The following PCDHGA2 variants were observed in gnomAD, a reference collection of about 807,000 sequenced individuals.
PCDHGA2 encodes protocadherin gamma subfamily A, 2.
PCDHGA2 carries 40 observed loss-of-function variants against 59.2 expected under a neutral mutation model. The observed-to-expected ratio is 0.68, with a 90% CI of 0.52 to 0.88. The LOEUF (loss-of-function observed/expected upper bound fraction) is 0.88. PCDHGA2 is among the 40% of genes least tolerant of loss of function. The probability of loss-of-function intolerance (pLI) is 0.00; values close to 1 mark genes in which losing one functional copy is unlikely to be tolerated. For synonymous variants in PCDHGA2, 560 were observed against 526.0 expected, an observed-to-expected ratio of 1.06 and a Z score of -0.89; for missense variants, 1,226 against 1,204.0, an observed-to-expected ratio of 1.02 and a Z score of -0.27.
rs747584731 is a variant in PCDHGA2, at chr5:141,344,291, C to A, written c.2424+2896C>A. The A allele has an allele frequency of 6.8e-6, 11 of 1,613,940 alleles. No homozygotes were observed. The East Asian group carries it at 2.5e-4, about 36-fold the overall frequency. On this transcript the variant is annotated intron_variant, in intron 1 of 3. Transcript: ENST00000394576. ...ATCCGCAAAGCGGCAGCTTGGTCAC[C>A]GCGGAGAGGATAGACCGGGAGGAGC... is the stretch of plus-strand genomic sequence containing the variant.
Position 141,432,599 on chromosome 5 carries a change from C to T in PCDHGA2, c.2425-62208C>T. 2.5e-6 allele frequency: 4 copies of T among 1,613,908 alleles called. No individual in the cohort carries two copies. The highest frequency in any genetic ancestry group is 2.7e-5 in the African/African-American group (2 of 75,052). On this transcript the variant is annotated intron_variant, in intron 1 of 3. Coordinates refer to ENST00000394576, the MANE Select transcript of PCDHGA2 (RefSeq NM_018915.4). The surrounding 1 kb of genome is among the most constrained non-coding windows in gnomAD (Gnocchi z 6.0). Reference sequence around the variant, plus strand: ...CTACCGTCTGCTCAAGGCCAGCGAGCCGGGACTCTTCTCGGTGGGTCTGCA... The same window carrying T: ...CTACCGTCTGCTCAAGGCCAGCGAGTCGGGACTCTTCTCGGTGGGTCTGCA...
At chr5:141,399,798 G>A in intron 1 of PCDHGA2, 1 of 1,613,236 alleles carries the variant, frequency 6.2e-7, no homozygotes. Context: ...ACGCACCGCG[G>A]GTGCTGTACC....
At position 141,476,242 on chromosome 5, in the gene PCDHGA2, G is replaced by A. The variant is rs369923405; in HGVS notation, c.2425-18565G>A. The A allele has an allele frequency of 6.2e-6, 10 of 1,614,100 alleles. No individual in the cohort carries two copies. The highest frequency in any genetic ancestry group is 8.5e-6 in the Non-Finnish European group (10 of 1,180,026). The stretch of plus-strand genomic sequence containing the variant: ...ACTATGAGATCCCGGAGGAAAGAGA[G>A]AAGGGTTTCGCTGTGGGCAACGTGG... On this transcript the variant is annotated intron_variant, in intron 1 of 3. Transcript: ENST00000394576. This position sits in a 1 kb window ranked among gnomAD's most constrained non-coding sequence, Gnocchi z 7.6.
intron 1 of PCDHGA2, chr5:141,428,149 G>A (rs1048150182): frequency 8.8e-6 from 14 of 1,586,676 alleles, no homozygotes; most frequent in African/African-American, 1.3e-5. Flanking sequence ...CTGCACACGG[G>A]AACCTGCTGG....
At chr5:141,384,265 T>G in intron 1 of PCDHGA2, 1 of 1,613,814 alleles carries the variant, frequency 6.2e-7, no homozygotes, top group Non-Finnish European at 8.5e-7. Context: ...CCCCCACTCA[T>G]CCTACTCAGT....
chr5:141,434,449 G>C (rs1392115883), intron 1 of PCDHGA2, among the ~76,000 whole-genome samples: 1 of 152,232 alleles, frequency 6.6e-6, no homozygotes, highest in Non-Finnish European at 1.5e-5. Context: ...ATGCTGGAAG[G>C]TAGTGGGTTT....
chr5:141,365,878 T>C (rs745332841), intron 1 of PCDHGA2: 4 of 1,614,104 alleles, frequency 2.5e-6, no homozygotes. Context: ...TCCTGTATGC[T>C]CTGAGATCCT....
intron 1 of PCDHGA2, chr5:141,375,707 C>T (rs1483627086): frequency 1.1e-5 from 17 of 1,614,146 alleles, no homozygotes; most frequent in Non-Finnish European, 1.3e-5. Context: ...GGACCCGCCT[C>T]TTAGCAGCAA....
chr5:141,428,238 G>A lies in PCDHGA2; in HGVS notation c.2425-66569G>A, dbSNP rs775703660. On this transcript the variant is annotated intron_variant, in intron 1 of 3. Transcript: ENST00000394576. ...TAGTCTTCGCAGACAGCCTGCAGGA[G>A]GCACTGCCAGACTTCAGTGACAGTC... 1.0e-5 allele frequency: 10 copies of A among 998,180 alleles called. No individual in the cohort carries two copies. The South Asian group carries it at 1.3e-4, about 13-fold the overall frequency. The allele number at this position is 998,180 out of a possible 1,614,324, so 61.8% of individuals were successfully genotyped here. A position where few individuals can be genotyped will look rare whatever the true frequency, so the allele number is the denominator to read the frequency against.
At chr5:141,502,140 G>A (rs534984161) in intron 2 of PCDHGA2, among the ~76,000 whole-genome samples, 1 of 152,268 alleles carries the variant, frequency 6.6e-6, no homozygotes, top group South Asian at 2.1e-4. Context: ...CAGTCGGGCC[G>A]GAAGTAAGGA....
chr5:141,404,004 C>T (rs1219625288), intron 1 of PCDHGA2: 3 of 1,613,842 alleles, frequency 1.9e-6, no homozygotes, highest in Non-Finnish European at 2.5e-6. Flanking sequence ...ACCATTACAT[C>T]TCTGTTTAGC....
At chr5:141,434,080 A>G (rs775751994) in intron 1 of PCDHGA2, among the ~76,000 whole-genome samples, 2 of 152,042 alleles carry the variant, frequency 1.3e-5, no homozygotes, top group Non-Finnish European at 2.9e-5. Flanking sequence ...TCAATTATTT[A>G]TTTTGATGCT....
Position 141,491,900 on chromosome 5 carries a change from G to A in PCDHGA2, c.2425-2907G>A, listed in dbSNP as rs1268804496. 7.0e-7 allele frequency: 1 copy of A among 1,429,818 alleles called. No individual in the cohort carries two copies. Among genetic ancestry groups the A allele is most frequent in the East Asian group, 2.5e-5 (1 of 39,444 alleles). The allele number at this position is 1,429,818 out of a possible 1,614,324, so 88.6% of individuals were successfully genotyped here. A position where few individuals can be genotyped will look rare whatever the true frequency, so the allele number is the denominator to read the frequency against. ...TAAGGGATGGGGCTCCGAGCACCGGGGGTGGTGGCGACTGTGGGCGAGGGG... is the reference window on the plus strand; with the variant it reads ...TAAGGGATGGGGCTCCGAGCACCGGAGGTGGTGGCGACTGTGGGCGAGGGG... On this transcript the variant is annotated intron_variant, in intron 1 of 3. Coordinates refer to ENST00000394576, the MANE Select transcript of PCDHGA2 (RefSeq NM_018915.4). This position sits in a 1 kb window ranked among gnomAD's most constrained non-coding sequence, Gnocchi z 6.9.
rs147764693 is a variant in PCDHGA2 at position 141,340,750 on chromosome 5, G to T, written c.1779G>T (p.Ala593=). The T allele has an allele frequency of 2.5e-4, 397 of 1,614,012 alleles. No individual in the cohort carries two copies. Among genetic ancestry groups the T allele is most frequent in the Middle Eastern group, 1.7e-4 (1 of 6,016 alleles). ...GCTACCTGGTGACCAAGGTGGTGGC[G>T]GTGGACAGAGACTCGGGCCAGAACG... The part of the protein sequence containing the change: ...EPGYLVTKVV[A]VDRDSGQNAW... Residue 593 remains alanine, a synonymous_variant, in exon 1 of 4, where the codon GCG becomes GCT. Coordinates refer to ENST00000394576, the MANE Select transcript of PCDHGA2 (RefSeq NM_018915.4).
chr5:141,344,904 A>AT, intron 1 of PCDHGA2: 1 of 1,613,906 alleles, frequency 6.2e-7, no homozygotes, highest in Non-Finnish European at 8.5e-7. Flanking sequence ...AATCGCTGAG[A>AT]TTTTCCATCT....
At chr5:141,380,168 G>T (rs1204513654) in intron 1 of PCDHGA2, among the ~76,000 whole-genome samples, 1 of 152,074 alleles carries the variant, frequency 6.6e-6, no homozygotes, top group Non-Finnish European at 1.5e-5. Flanking sequence ...TCAAAGGGCT[G>T]GGATTACAGG....
In PCDHGA2 at chr5:141,485,792, G is replaced by A. The variant is rs114766079; in HGVS notation, c.2425-9015G>A. The A allele has an allele frequency of 6.2e-7, 1 of 1,614,236 alleles. No homozygotes were observed. Among genetic ancestry groups the A allele is most frequent in the East Asian group, 2.2e-5 (1 of 44,880 alleles). ...GCCTTTGGATCGAGAGAAGCAATCG[G>A]ACTACCGCCTGGTGCTGACTGCTGT... On this transcript the variant is annotated intron_variant, in intron 1 of 3. Coordinates refer to ENST00000394576, the MANE Select transcript of PCDHGA2 (RefSeq NM_018915.4). This position sits in a 1 kb window ranked among gnomAD's most constrained non-coding sequence, Gnocchi z 5.7.
rs2099687715 is a variant in PCDHGA2, at chr5:141,489,479, T to G, written c.2425-5328T>G. 1.2e-6 allele frequency: 2 copies of G among 1,614,090 alleles called. No individual in the cohort carries two copies. The highest frequency in any genetic ancestry group is 1.7e-6 in the Non-Finnish European group (2 of 1,180,010). ...GGGCGCTATTTTTCCCTGAGCTTGATGAGTGGTGCCCTGGCAGTGAATCAA... is the reference window on the plus strand; with the variant it reads ...GGGCGCTATTTTTCCCTGAGCTTGAGGAGTGGTGCCCTGGCAGTGAATCAA... On this transcript the variant is annotated intron_variant, in intron 1 of 3. Transcript: ENST00000394576. This position sits in a 1 kb window ranked among gnomAD's most constrained non-coding sequence, Gnocchi z 4.5.
intron 1 of PCDHGA2, chr5:141,388,500 A>T: frequency 6.2e-7 from 1 of 1,613,860 alleles, no homozygotes; most frequent in Non-Finnish European, 8.5e-7. Flanking sequence ...AGAAAAGCAG[A>T]AATCCTACCA....
Sources: gnomAD v4.1 joint callset for allele counts (sites outside exome capture counted in the v4.1 genomes callset) on GRCh38, gnomAD v4.1.1 for gene constraint, Gnocchi (gnomAD v3.1) non-coding constraint, MANE v1.5 for transcripts, NCBI Gene and HGNC (gene_info 2026-07-23, HGNC 2026-07-21) for gene names.